Variants in ETV6 observed in about 807,000 individuals in gnomAD.
ETV6 encodes the protein transcription factor ETV6.
A neutral mutation model predicts 51.1 loss-of-function variants in ETV6; 16 were observed. The observed-to-expected ratio is 0.31, with a 90% CI of 0.21 to 0.48. The LOEUF (loss-of-function observed/expected upper bound fraction) is 0.48, where lower values mean the gene tolerates loss of function less well. Ranked by LOEUF, ETV6 falls within the 20% of genes least tolerant of loss-of-function variation. The pLI, the probability that ETV6 is intolerant of heterozygous loss-of-function variation, is 0.99. For missense variants in ETV6, 458 were observed against 594.8 expected (o/e 0.77, Z 2.39); for synonymous variants, 240 against 224.1 (o/e 1.07, Z -0.64).
At chr12:11,666,931 G>C (rs1157440918) in intron 1 of ETV6, among the ~76,000 whole-genome samples, 4 of 152,166 alleles carry the variant, frequency 2.6e-5, no homozygotes, top group Admixed American at 6.5e-5. Context: ...GGGCATTTAA[G>C]GGTCCTCTTG....
Position 11,839,320 on chromosome 12 carries a change from C to T in ETV6, c.328+16C>T. The T allele has an allele frequency of 6.2e-7, 1 of 1,602,304 alleles. No individual in the cohort carries two copies. Among genetic ancestry groups the T allele is most frequent in the Non-Finnish European group, 8.5e-7 (1 of 1,172,056 alleles). ...CCTCATTCAGGTGAGAGTCTGGACT[C>T]TTGGCATATGCCCAACTTGGAAAGT... On this transcript the variant is annotated intron_variant, in intron 3 of 7. Coordinates refer to ENST00000396373, the MANE Select transcript of ETV6 (RefSeq NM_001987.5).
At chr12:11,804,433 C>T (rs2136408105) in intron 2 of ETV6, among the ~76,000 whole-genome samples, 1 of 152,358 alleles carries the variant, frequency 6.6e-6, no homozygotes, top group South Asian at 2.1e-4. Flanking sequence ...TCCTCCATCA[C>T]CTTGTGTTCT....
At chr12:11,852,402 T>C (rs1434994323) in intron 3 of ETV6, among the ~76,000 whole-genome samples, 3 of 152,192 alleles carry the variant, frequency 2.0e-5, no homozygotes, top group South Asian at 4.1e-4. Flanking sequence ...TCCCAGAACA[T>C]GCCAGTTCCT....
rs1476240378 is a variant in ETV6 at position 11,893,941 on chromosome 12, G to A, written c.*2895G>A. The A allele has an allele frequency of 3.8e-5, 8 of 212,570 alleles. No individual in the cohort carries two copies. Among genetic ancestry groups the A allele is most frequent in the African/African-American group, 1.8e-4 (8 of 43,844 alleles). 13.2% of individuals were successfully genotyped at this position (212,570 alleles called of 1,614,324 possible). On this transcript the variant is annotated 3_prime_UTR_variant, in exon 8 of 8. Transcript: ENST00000396373. ...CTGGTCCCAAGCATTTCAGATAAGG[G>A]ATATCAATCTGTACTACCAATAAGG...
intron 7 of ETV6, among the ~76,000 whole-genome samples, chr12:11,887,215 A>G (rs1440022170): frequency 6.6e-6 from 1 of 152,200 alleles, no homozygotes; most frequent in African/African-American, 2.4e-5. Flanking sequence ...ACCTAAACGC[A>G]GTCCTTGGCT....
At chr12:11,805,426 GCAGGGATAGA>G (rs1199091016) in intron 2 of ETV6, among the ~76,000 whole-genome samples, 2 of 152,164 alleles carry the variant, frequency 1.3e-5, no homozygotes, top group Admixed American at 1.3e-4. Flanking sequence ...TCAGACAGGA[GCAGGGATAGA>G]CAAGATATGT....
chr12:11,738,307 C>T (rs12820823), intron 1 of ETV6, among the ~76,000 whole-genome samples: 5 of 113,998 alleles, frequency 4.4e-5, no homozygotes, highest in African/African-American at 1.6e-4. Flanking sequence ...TTTGTTTTTG[C>T]TTTTTTTTTT....
At chr12:11,791,610 C>T (rs1945594549) in intron 2 of ETV6, among the ~76,000 whole-genome samples, 1 of 152,128 alleles carries the variant, frequency 6.6e-6, no homozygotes, top group Non-Finnish European at 1.5e-5. Context: ...TGCTATATCT[C>T]CTTTGTTACA....
At chr12:11,706,653 A>G (rs1004922336) in intron 1 of ETV6, among the ~76,000 whole-genome samples, 2 of 152,216 alleles carry the variant, frequency 1.3e-5, no homozygotes, top group Admixed American at 1.3e-4. Flanking sequence ...CAGGACAGAT[A>G]AGAGGCAAGT....
intron 2 of ETV6, among the ~76,000 whole-genome samples, chr12:11,831,696 T>C (rs551135016): frequency 2.0e-5 from 3 of 152,396 alleles, no homozygotes; most frequent in Non-Finnish European, 1.5e-5. Context: ...TTATTACATA[T>C]GTACACATAC....
intron 1 of ETV6, among the ~76,000 whole-genome samples, chr12:11,696,734 T>C (rs1229640248): frequency 6.6e-6 from 1 of 152,170 alleles, no homozygotes; most frequent in Admixed American, 6.5e-5. Context: ...AAGAATTGCC[T>C]GAACCCGGGA....
At chr12:11,674,524 C>T (rs565562932) in intron 1 of ETV6, among the ~76,000 whole-genome samples, 40 of 151,842 alleles carry the variant, frequency 2.6e-4, no homozygotes, top group Middle Eastern at 3.4e-3. Flanking sequence ...AGAAAACAGC[C>T]GGAGACAATA....
chr12:11,864,980 G>A (rs553079796), intron 4 of ETV6, among the ~76,000 whole-genome samples: 164 of 152,204 alleles, frequency 1.1e-3, no homozygotes, highest in African/African-American at 3.7e-3. Flanking sequence ...GGCTGGGCGC[G>A]GTGGCTCATG....
intron 2 of ETV6, among the ~76,000 whole-genome samples, chr12:11,771,639 T>C (rs1489257277): frequency 6.6e-6 from 1 of 151,964 alleles, no homozygotes; most frequent in East Asian, 1.9e-4. Context: ...TCACAGCAAA[T>C]AGGAAGAAAT....
rs71057776 is a variant in ETV6 at position 11,874,438 on chromosome 12, G to GTA, written c.1009+4479_1009+4480dup. ...TGTATATATATACACACACATATAT[G>GTA]TATATATATATGCGTATGTATATAT... is the stretch of plus-strand genomic sequence containing the variant. On this transcript the variant is annotated intron_variant, in intron 5 of 7. Coordinates refer to ENST00000396373, the MANE Select transcript of ETV6 (RefSeq NM_001987.5). 9.9e-3 allele frequency among the ~76,000 whole-genome samples: 45 copies of GTA among 4,554 alleles called. 15 individuals carry two copies. Among genetic ancestry groups the GTA allele is most frequent in the African/African-American group, 0.013 (39 of 2,976 alleles). 3.0% of individuals were successfully genotyped at this position (4,554 alleles called of 152,430 possible).
chr12:11,864,753 T>A (rs1182593348), intron 4 of ETV6, among the ~76,000 whole-genome samples: 1 of 145,094 alleles, frequency 6.9e-6, no homozygotes, highest in African/African-American at 2.5e-5. Flanking sequence ...TTAAGCACTT[T>A]AAAAAAAAAA....
intron 1 of ETV6, among the ~76,000 whole-genome samples, chr12:11,701,443 ATG>A (rs1864980479): frequency 6.6e-6 from 1 of 152,178 alleles, no homozygotes; most frequent in South Asian, 2.1e-4. Flanking sequence ...ATGTTGTAGC[ATG>A]TGTCAGAATT....
intron 4 of ETV6, among the ~76,000 whole-genome samples, chr12:11,858,732 G>T (rs1371863012): frequency 1.3e-5 from 2 of 152,168 alleles, no homozygotes; most frequent in Admixed American, 1.3e-4. Flanking sequence ...CACATGCAGG[G>T]CTGAGATTGT....
At chr12:11,839,022 G>T in intron 2 of ETV6, 118 bp from the exon 3 acceptor site, 1 of 1,075,296 alleles carries the variant, frequency 9.3e-7, no homozygotes, top group Non-Finnish European at 1.3e-6. Flanking sequence ...GAACATAAGG[G>T]CTCTTGAGAT....
Sources: gnomAD v4.1 joint callset for allele counts (sites outside exome capture counted in the v4.1 genomes callset) on GRCh38, gnomAD v4.1.1 for gene constraint, MANE v1.5 for transcripts, NCBI Gene and HGNC (gene_info 2026-07-23, HGNC 2026-07-21) for gene names.